The following ROBO2 variants were observed in gnomAD, a reference collection of about 807,000 sequenced individuals.
ROBO2 encodes roundabout homolog 2.
Under a neutral mutation model 160.8 loss-of-function variants are expected in ROBO2, and 53 were observed. That is an observed-to-expected ratio of 0.33 (90% CI 0.26 to 0.41). ROBO2 has a LOEUF of 0.41. ROBO2 is among the 10% of genes least tolerant of loss of function. The pLI, the probability that ROBO2 is intolerant of heterozygous loss-of-function variation, is 1.00. For missense variants in ROBO2, 1,577 were observed against 1,722.4 expected (o/e 0.92, Z 1.49); for synonymous variants, 664 against 611.7 (o/e 1.09, Z -1.26).
At chr3:76,062,790 T>A (rs1159284624) in intron 2 of ROBO2, among the ~76,000 whole-genome samples, 2 of 152,186 alleles carry the variant, frequency 1.3e-5, no homozygotes, top group Non-Finnish European at 2.9e-5. Flanking sequence ...AGCTTTGCTT[T>A]GTTTTTCCCC....
intron 2 of ROBO2, among the ~76,000 whole-genome samples, chr3:76,894,641 T>C (rs1423042500): frequency 6.6e-6 from 1 of 152,160 alleles, no homozygotes; most frequent in Admixed American, 6.5e-5. Flanking sequence ...TAAGTTATCA[T>C]AGTTCTCATT....
At chr3:77,522,653 G>C (rs2090723900) in intron 5 of ROBO2, 122 bp from the exon 6 acceptor site, 1 of 868,306 alleles carries the variant, frequency 1.2e-6, no homozygotes, top group Non-Finnish European at 1.8e-6. Context: ...TGGCTGATTT[G>C]TGTGTGTGTG....
At position 77,234,004 on chromosome 3, in the gene ROBO2, T is replaced by G. The variant is rs2087589579; in HGVS notation, c.388+135664T>G. Among the ~76,000 whole-genome samples the G allele has an allele frequency of 2.0e-5, 3 of 152,220 alleles. No homozygotes were observed. The South Asian group carries it at 6.2e-4, about 32-fold the overall frequency. Reference sequence around the variant, plus strand: ...TTATAAATATTCCTGAAGAAATTCCTTGTATTTCCTAGCTGAATTAGTTCT... The same window carrying G: ...TTATAAATATTCCTGAAGAAATTCCGTGTATTTCCTAGCTGAATTAGTTCT... On this transcript the variant is annotated intron_variant, in intron 2 of 25. Transcript: ENST00000461745.
At chr3:76,382,985 GT>G (rs1282687523) in intron 2 of ROBO2, among the ~76,000 whole-genome samples, 62 of 152,282 alleles carry the variant, frequency 4.1e-4, no homozygotes, top group African/African-American at 1.5e-3. Flanking sequence ...AATAAAGTTA[GT>G]TTTAAGGATA....
intron 2 of ROBO2, among the ~76,000 whole-genome samples, chr3:76,944,654 A>T (rs555129015): frequency 6.6e-6 from 1 of 152,330 alleles, no homozygotes; most frequent in South Asian, 2.1e-4. Flanking sequence ...ATTGGAGCTA[A>T]TGATCTTAAT....
At chr3:76,092,756 G>A (rs75566245) in intron 2 of ROBO2, among the ~76,000 whole-genome samples, 2,890 of 152,256 alleles carry the variant, frequency 0.019, 88 homozygotes, top group African/African-American at 0.065. Flanking sequence ...CAGGTCATAT[G>A]TAATCTGTGA....
intron 2 of ROBO2, among the ~76,000 whole-genome samples, chr3:77,311,419 T>C (rs1048066874): frequency 2.0e-5 from 3 of 152,216 alleles, no homozygotes; most frequent in East Asian, 1.9e-4. Context: ...ATTAGAAATA[T>C]ATGTGGCTAT....
chr3:77,376,658 C>T (rs1252434105), intron 2 of ROBO2, among the ~76,000 whole-genome samples: 1 of 152,028 alleles, frequency 6.6e-6, no homozygotes, highest in East Asian at 1.9e-4. Flanking sequence ...TTAGAAAGTC[C>T]AGCATTTAAC....
chr3:76,654,714 A>G (rs2091414285), intron 2 of ROBO2, among the ~76,000 whole-genome samples: 3 of 152,010 alleles, frequency 2.0e-5, no homozygotes, highest in Admixed American at 2.0e-4. Context: ...AAGAAGCGCT[A>G]TACCAAGAAT....
chr3:76,081,420 T>C (rs1261850284), intron 2 of ROBO2, among the ~76,000 whole-genome samples: 1 of 151,770 alleles, frequency 6.6e-6, no homozygotes, highest in Non-Finnish European at 1.5e-5. Flanking sequence ...AAAAGAGTAA[T>C]ATTTGATAAT....
intron 23 of ROBO2, among the ~76,000 whole-genome samples, chr3:77,625,947 A>G (rs1041050014): frequency 2.0e-5 from 3 of 152,176 alleles, no homozygotes; most frequent in Non-Finnish European, 2.9e-5. Flanking sequence ...TTTTCATTTA[A>G]TAGATTAAAA....
At chr3:77,534,020 A>T (rs541382968) in intron 6 of ROBO2, among the ~76,000 whole-genome samples, 5 of 152,114 alleles carry the variant, frequency 3.3e-5, no homozygotes, top group Admixed American at 6.6e-5. Flanking sequence ...GGATCATGGG[A>T]TGGGCTCTCA....
intron 2 of ROBO2, among the ~76,000 whole-genome samples, chr3:76,296,103 C>G (rs945938891): frequency 2.0e-5 from 3 of 152,128 alleles, no homozygotes; most frequent in Non-Finnish European, 2.9e-5. Context: ...TGGTTGGGCA[C>G]TAAATCCAAA....
chr3:77,068,702 C>T (rs528894778), intron 1 of ROBO2, among the ~76,000 whole-genome samples: 8 of 151,948 alleles, frequency 5.3e-5, no homozygotes, highest in Non-Finnish European at 1.0e-4. Context: ...AAGTAGAATA[C>T]GTGAATAAAG....
chr3:77,512,178 C>T (rs2089477583), intron 5 of ROBO2, among the ~76,000 whole-genome samples: 1 of 151,806 alleles, frequency 6.6e-6, no homozygotes, highest in South Asian at 2.1e-4. Context: ...AAGAGCTTGC[C>T]TTTAGAATAC....
chr3:76,715,247 A>T (rs1050648340), intron 2 of ROBO2, among the ~76,000 whole-genome samples: 1 of 152,110 alleles, frequency 6.6e-6, no homozygotes, highest in African/African-American at 2.4e-5. Flanking sequence ...TAAGGAAAAA[A>T]GTTAATAATC....
intron 1 of ROBO2, among the ~76,000 whole-genome samples, chr3:77,093,174 G>C (rs1288755174): frequency 6.6e-6 from 1 of 152,098 alleles, no homozygotes; most frequent in East Asian, 1.9e-4. Context: ...GAAGAGAGGG[G>C]AATCTTGTTA....
At chr3:76,566,471 A>G (rs1358271975) in intron 2 of ROBO2, among the ~76,000 whole-genome samples, 1 of 152,044 alleles carries the variant, frequency 6.6e-6, no homozygotes, top group Non-Finnish European at 1.5e-5. Flanking sequence ...TCTCTTTTCT[A>G]TTGCTCAAAA....
chr3:77,525,350 G>GA (rs2091036865), intron 6 of ROBO2, among the ~76,000 whole-genome samples: 1 of 148,966 alleles, frequency 6.7e-6, no homozygotes, highest in Non-Finnish European at 1.5e-5. Flanking sequence ...GCCAATTGGG[G>GA]AAAAGGTAAG....
Sources: allele counts gnomAD v4.1 joint callset (sites outside exome capture counted in the v4.1 genomes callset), GRCh38; gene constraint gnomAD v4.1.1; transcripts MANE v1.5; gene names NCBI Gene and HGNC (gene_info 2026-07-23, HGNC 2026-07-21).